The following MCTP2 variants were observed in gnomAD, a reference collection of about 807,000 sequenced individuals.
MCTP2 encodes multiple C2 and transmembrane domain-containing protein 2.
In MCTP2, 132 loss-of-function variants were observed where a neutral mutation model predicts 111.6. That is an observed-to-expected ratio of 1.18 (90% CI 1.03 to 1.37). The LOEUF is 1.37. Ranked by LOEUF, MCTP2 falls within the 40% of genes most tolerant of loss-of-function variation. The pLI, the probability that MCTP2 is intolerant of heterozygous loss-of-function variation, is 0.00. For missense variants in MCTP2, 1,183 were observed against 1,067.9 expected (o/e 1.11, Z -1.50); for synonymous variants, 395 against 387.7 (o/e 1.02, Z -0.22).
chr15:94,232,276 C>CT (rs35366284), intron 1 of MCTP2, among the ~76,000 whole-genome samples: 16,291 of 152,100 alleles, frequency 0.11, 910 homozygotes, highest in South Asian at 0.17. Flanking sequence ...GTGCTGACGG[C>CT]TTTTTTTAAA....
chr15:94,352,980 A>C (rs190219697), intron 8 of MCTP2, among the ~76,000 whole-genome samples: 61 of 152,322 alleles, frequency 4.0e-4, no homozygotes, highest in Admixed American at 3.4e-3. Context: ...ATGAAACTTT[A>C]TTTGAAAAAT....
At position 94,339,296 on chromosome 15, in the gene MCTP2, G is replaced by A; in HGVS notation, c.644G>A (p.Ser215Asn). 6.2e-7 allele frequency: 1 copy of A among 1,601,180 alleles called. No homozygotes were observed. The highest frequency in any genetic ancestry group is 8.5e-7 in the Non-Finnish European group (1 of 1,174,834). Residue 215 changes from serine to asparagine, a missense_variant, in exon 5 of 23, where the codon AGT (serine) becomes AAT (asparagine). Coordinates refer to ENST00000357742, the MANE Select transcript of MCTP2 (RefSeq NM_001385001.1). ...NLVVRDRCGT[S>N]DPYVKFKLNG... ...TTTTCTTTTCCTTTTAAAGGCACAA[G>A]TGATCCTTATGTGAAATTTAAGCTG...
intron 20 of MCTP2, among the ~76,000 whole-genome samples, chr15:94,468,494 T>TCTC (rs1289547877): frequency 6.6e-6 from 1 of 151,782 alleles, no homozygotes; most frequent in Non-Finnish European, 1.5e-5. Context: ...AAAAAAAAGG[T>TCTC]TAGAAATCAT....
intron 18 of MCTP2, among the ~76,000 whole-genome samples, chr15:94,442,456 A>T (rs779390977): frequency 1.3e-5 from 2 of 152,186 alleles, no homozygotes; most frequent in Non-Finnish European, 2.9e-5. Flanking sequence ...CCTGTAACTT[A>T]TTCTTAAGAT....
At chr15:94,246,561 C>G (rs147713585) in intron 1 of MCTP2, among the ~76,000 whole-genome samples, 13 of 152,282 alleles carry the variant, frequency 8.5e-5, no homozygotes, top group African/African-American at 3.1e-4. Flanking sequence ...GTTTACCTCC[C>G]TTAATAGAAC....
intron 7 of MCTP2, 39 bp from the exon 8 acceptor site, chr15:94,345,089 AT>A (rs760284458): frequency 6.2e-7 from 1 of 1,608,994 alleles, no homozygotes; most frequent in South Asian, 1.1e-5. Flanking sequence ...CCTCTGTTTT[AT>A]TTTGCCATTT....
At chr15:94,245,928 G>A (rs1280841690) in intron 1 of MCTP2, among the ~76,000 whole-genome samples, 1 of 151,984 alleles carries the variant, frequency 6.6e-6, no homozygotes, top group African/African-American at 2.4e-5. Context: ...TGTCTCCCTG[G>A]AGTGTCAAGC....
intron 2 of MCTP2, among the ~76,000 whole-genome samples, chr15:94,302,564 G>T (rs1175180494): frequency 2.0e-5 from 3 of 152,184 alleles, no homozygotes; most frequent in Non-Finnish European, 4.4e-5. Context: ...CGTGGAAGAG[G>T]ATTTAGCCAG....
At chr15:94,326,947 A>G (rs1045769311) in intron 4 of MCTP2, among the ~76,000 whole-genome samples, 1 of 152,026 alleles carries the variant, frequency 6.6e-6, no homozygotes, top group East Asian at 1.9e-4. Context: ...GTTTTCATCA[A>G]TTTGGACCTT....
chr15:94,391,246 A>G (rs2152463499), intron 14 of MCTP2, among the ~76,000 whole-genome samples: 1 of 152,306 alleles, frequency 6.6e-6, no homozygotes, highest in Middle Eastern at 3.4e-3. Flanking sequence ...TGTACCAAAT[A>G]AATGCCATGT....
At chr15:94,434,514 T>G (rs2083359499) in intron 17 of MCTP2, among the ~76,000 whole-genome samples, 1 of 152,208 alleles carries the variant, frequency 6.6e-6, no homozygotes, top group African/African-American at 2.4e-5. Flanking sequence ...TACATTCAGA[T>G]GTATAATCCA....
intron 17 of MCTP2, among the ~76,000 whole-genome samples, chr15:94,432,451 A>G (rs1196167019): frequency 6.6e-6 from 1 of 152,192 alleles, no homozygotes; most frequent in Non-Finnish European, 1.5e-5. Context: ...TCACCTGGTT[A>G]CTTTGACCAA....
At chr15:94,257,632 G>C (rs2072903846) in intron 1 of MCTP2, among the ~76,000 whole-genome samples, 2 of 113,244 alleles carry the variant, frequency 1.8e-5, no homozygotes, top group Non-Finnish European at 3.4e-5. Context: ...TGTCACCCAG[G>C]CTGGAGTGCA....
chr15:94,340,334 T>C (rs1252778326), intron 6 of MCTP2, 59 bp downstream of exon 6: 7 of 1,208,814 alleles, frequency 5.8e-6, no homozygotes, highest in Non-Finnish European at 8.6e-6. Flanking sequence ...CTTACGATAA[T>C]GTTAAATGGT....
At chr15:94,271,592 A>G (rs974000607) in intron 1 of MCTP2, among the ~76,000 whole-genome samples, 2 of 152,198 alleles carry the variant, frequency 1.3e-5, no homozygotes, top group African/African-American at 4.8e-5. Flanking sequence ...TGATTATGTT[A>G]TGAAAGAAAC....
At chr15:94,408,897 C>T (rs2082024744) in intron 17 of MCTP2, among the ~76,000 whole-genome samples, 1 of 152,170 alleles carries the variant, frequency 6.6e-6, no homozygotes, top group Admixed American at 6.5e-5. Context: ...GTGTGTAGGT[C>T]CAGGCTCTGC....
chr15:94,322,143 G>A (rs967526837), intron 4 of MCTP2, among the ~76,000 whole-genome samples: 3 of 152,158 alleles, frequency 2.0e-5, no homozygotes. Context: ...GTGGAATCAT[G>A]TATTTAATTT....
chr15:94,460,338 CA>C (rs1177109614), intron 20 of MCTP2, among the ~76,000 whole-genome samples: 1 of 152,134 alleles, frequency 6.6e-6, no homozygotes, highest in Non-Finnish European at 1.5e-5. Context: ...TGCAAACGCT[CA>C]AAGCCCAAGA....
intron 17 of MCTP2, among the ~76,000 whole-genome samples, chr15:94,416,664 C>T (rs906860459): frequency 3.3e-5 from 5 of 152,138 alleles, no homozygotes; most frequent in Admixed American, 2.6e-4. Flanking sequence ...AAAACACTTG[C>T]GATGGCTTTA....
Sources: gnomAD v4.1 joint callset for allele counts (sites outside exome capture counted in the v4.1 genomes callset) on GRCh38, gnomAD v4.1.1 for gene constraint, MANE v1.5 for transcripts, NCBI Gene and HGNC (gene_info 2026-07-23, HGNC 2026-07-21) for gene names.